Variants in PTPRD observed in about 807,000 individuals in gnomAD.
PTPRD encodes the protein protein tyrosine phosphatase receptor type D.
In PTPRD, 34 loss-of-function variants were observed where a neutral mutation model predicts 214.5. The observed-to-expected ratio is 0.16, with a 90% confidence interval of 0.12 to 0.21. PTPRD has a LOEUF of 0.21. PTPRD is among the 10% of genes least tolerant of loss of function. PTPRD has a pLI of 1.00. For synonymous variants in PTPRD, 1,128 were observed against 845.7 expected (o/e 1.33, Z -5.79); for missense variants, 2,545 against 2,398.7 (o/e 1.06, Z -1.27).
At chr9:9,094,650 C>G (rs1569539311) in intron 10 of PTPRD, among the ~76,000 whole-genome samples, 1 of 152,094 alleles carries the variant, frequency 6.6e-6, no homozygotes, top group East Asian at 1.9e-4. Context: ...CAAAAAACCA[C>G]CTGTACACCA....
At chr9:8,471,326 T>G (rs2096648719) in intron 30 of PTPRD, among the ~76,000 whole-genome samples, 1 of 152,172 alleles carries the variant, frequency 6.6e-6, no homozygotes, top group Non-Finnish European at 1.5e-5. Context: ...TGGACTGCTC[T>G]TTATTAGGTA....
intron 5 of PTPRD, among the ~76,000 whole-genome samples, chr9:9,780,419 A>ATC (rs2098833996): frequency 6.6e-6 from 1 of 152,210 alleles, no homozygotes; most frequent in East Asian, 1.9e-4. Context: ...AATTAAAACA[A>ATC]TACCCAATTT....
At chr9:8,825,614 A>T (rs1443504676) in intron 11 of PTPRD, among the ~76,000 whole-genome samples, 1 of 152,204 alleles carries the variant, frequency 6.6e-6, no homozygotes, top group Non-Finnish European at 1.5e-5. Flanking sequence ...TTGGCAAGAA[A>T]GAATTCATGG....
chr9:9,472,936 A>G (rs1420935290), intron 8 of PTPRD, among the ~76,000 whole-genome samples: 5 of 152,202 alleles, frequency 3.3e-5, no homozygotes, highest in Non-Finnish European at 7.3e-5. Context: ...GATAATTAGC[A>G]TATCCACACC....
intron 5 of PTPRD, among the ~76,000 whole-genome samples, chr9:9,883,113 T>A (rs2069385959): frequency 6.6e-6 from 1 of 152,096 alleles, no homozygotes. Context: ...AATTACCCAG[T>A]CTTAGGTATT....
chr9:10,060,843 CCTTTCCTTTCTTT>C (rs1567404979), intron 3 of PTPRD, among the ~76,000 whole-genome samples: 32 of 104,930 alleles, frequency 3.0e-4, no homozygotes, highest in African/African-American at 1.7e-3. Context: ...TTCCTTCCTT[CCTTTCCTTTCTTT>C]CTTCCTTCCT....
At chr9:9,432,300 AT>A (rs980536174) in intron 8 of PTPRD, among the ~76,000 whole-genome samples, 2 of 152,040 alleles carry the variant, frequency 1.3e-5, no homozygotes, top group African/African-American at 4.8e-5. Context: ...TCAGTTTCTA[AT>A]TTATACAGTC....
chr9:10,007,962 T>C (rs1163020710), intron 4 of PTPRD, among the ~76,000 whole-genome samples: 4 of 152,028 alleles, frequency 2.6e-5, no homozygotes, highest in Non-Finnish European at 5.9e-5. Flanking sequence ...AGAACCATTA[T>C]GTTCTTAGTT....
chr9:8,760,557 C>T (rs2094345941), intron 11 of PTPRD, among the ~76,000 whole-genome samples: 1 of 151,720 alleles, frequency 6.6e-6, no homozygotes, highest in Admixed American at 6.6e-5. Flanking sequence ...AAATGGAGAA[C>T]TCAGTGTGCA....
chr9:8,659,103 G>A (rs1565063375), intron 12 of PTPRD, among the ~76,000 whole-genome samples: 1 of 152,090 alleles, frequency 6.6e-6, no homozygotes, highest in Non-Finnish European at 1.5e-5. Context: ...AATCAAGAAG[G>A]ACACTGTGCC....
intron 9 of PTPRD, among the ~76,000 whole-genome samples, chr9:9,238,295 G>A (rs1028304134): frequency 1.3e-5 from 2 of 152,076 alleles, no homozygotes; most frequent in Non-Finnish European, 2.9e-5. Flanking sequence ...TTACTGCAGT[G>A]TGAAGGCACT....
rs899170486 is a variant in PTPRD, at chr9:9,240,664, A to C, written c.-202-57301T>G. Among the ~76,000 whole-genome samples, 15 of 152,288 alleles carry C rather than the reference A, an allele frequency of 9.8e-5. No individual in the cohort carries two copies. The East Asian group carries it at 2.1e-3, about 22-fold the overall frequency. On this transcript the variant is annotated intron_variant, in intron 9 of 45. Coordinates refer to ENST00000381196, the MANE Select transcript of PTPRD (RefSeq NM_002839.4). ...ATTAAAATATATGGAAGCATTGTTG[A>C]ACAGTAAGTGATGCTAAACTTTCTT...
At chr9:9,374,450 T>C (rs1392169991) in intron 9 of PTPRD, among the ~76,000 whole-genome samples, 3 of 152,064 alleles carry the variant, frequency 2.0e-5, no homozygotes, top group Non-Finnish European at 2.9e-5. Flanking sequence ...AGGAGCAACA[T>C]TTGAGAAAAT....
At chr9:10,129,044 C>T (rs1157401447) in intron 3 of PTPRD, among the ~76,000 whole-genome samples, 1 of 152,042 alleles carries the variant, frequency 6.6e-6, no homozygotes, top group Non-Finnish European at 1.5e-5. Flanking sequence ...ATAATAGCTA[C>T]TATTAACAAG....
intron 11 of PTPRD, among the ~76,000 whole-genome samples, chr9:8,950,862 C>G (rs2099098026): frequency 6.6e-6 from 1 of 152,020 alleles, no homozygotes; most frequent in African/African-American, 2.4e-5. Context: ...TCTACCTACT[C>G]TACTTGTTCA....
chr9:9,318,337 C>G (rs1485745555), intron 9 of PTPRD, among the ~76,000 whole-genome samples: 1 of 151,632 alleles, frequency 6.6e-6, no homozygotes, highest in African/African-American at 2.4e-5. Flanking sequence ...AGTTAAGAGT[C>G]AGGAAAGTAG....
intron 7 of PTPRD, among the ~76,000 whole-genome samples, chr9:9,679,120 G>GAAA (rs1564498341): frequency 1.1e-3 from 107 of 97,580 alleles, no homozygotes; most frequent in African/African-American, 3.5e-3. Flanking sequence ...TGAAAAAGGG[G>GAAA]GAAAAAAAAA....
chr9:8,828,426 G>A (rs546070405), intron 11 of PTPRD, among the ~76,000 whole-genome samples: 21 of 152,154 alleles, frequency 1.4e-4, no homozygotes, highest in Non-Finnish European at 2.6e-4. Context: ...ACCTGTCTGT[G>A]AACCAGGAAA....
At chr9:9,082,674 C>A (rs1414394190) in intron 10 of PTPRD, among the ~76,000 whole-genome samples, 1 of 152,034 alleles carries the variant, frequency 6.6e-6, no homozygotes, top group Non-Finnish European at 1.5e-5. Context: ...CCCCAAATTT[C>A]CTTAAGCTGA....
Sources: gnomAD v4.1 joint callset for allele counts (sites outside exome capture counted in the v4.1 genomes callset) on GRCh38, gnomAD v4.1.1 for gene constraint, MANE v1.5 for transcripts, NCBI Gene and HGNC (gene_info 2026-07-23, HGNC 2026-07-21) for gene names.